Variants in ZBTB44 observed in about 807,000 individuals in gnomAD.
ZBTB44 encodes the protein zinc finger and BTB domain-containing protein 44.
In ZBTB44, 15 loss-of-function variants were observed where a neutral mutation model predicts 54.0. The observed-to-expected ratio is 0.28, with a 90% confidence interval of 0.19 to 0.43. The LOEUF is 0.43. ZBTB44 is among the 20% of genes least tolerant of loss of function. The pLI, the probability that ZBTB44 is intolerant of heterozygous loss-of-function variation, is 1.00. For synonymous variants in ZBTB44, 230 were observed against 250.1 expected (o/e 0.92, Z 0.76); for missense variants, 487 against 707.1 (o/e 0.69, Z 3.53).
intron 1 of ZBTB44, among the ~76,000 whole-genome samples, chr11:130,270,554 ATCT>A (rs764298204): frequency 3.3e-5 from 5 of 152,318 alleles, no homozygotes; most frequent in Non-Finnish European, 7.3e-5. Context: ...CAGACCTACA[ATCT>A]TCTTCAAAAA....
chr11:130,271,225 A>G (rs1346367770), intron 1 of ZBTB44, among the ~76,000 whole-genome samples: 1 of 152,212 alleles, frequency 6.6e-6, no homozygotes, highest in Non-Finnish European at 1.5e-5. Context: ...TTGAGTTTAC[A>G]GTCTTGAATT....
chr11:130,253,331 C>G (rs1035625294), intron 2 of ZBTB44, among the ~76,000 whole-genome samples: 2 of 152,172 alleles, frequency 1.3e-5, no homozygotes, highest in African/African-American at 4.8e-5. Context: ...ATCGTCTCAG[C>G]CCAAAATCTC....
At chr11:130,302,686 A>G (rs1942049080) in intron 1 of ZBTB44, among the ~76,000 whole-genome samples, 1 of 152,202 alleles carries the variant, frequency 6.6e-6, no homozygotes, top group African/African-American at 2.4e-5. Context: ...AAAAAAGTGA[A>G]ATGAGGGCCG....
intron 1 of ZBTB44, chr11:130,296,491 G>A (rs373787058): frequency 7.1e-6 from 7 of 984,932 alleles, no homozygotes; most frequent in East Asian, 2.4e-5. Flanking sequence ...CATTGTGTAC[G>A]GATGTGGTGG....
At chr11:130,284,637 G>A (rs11828713) in intron 1 of ZBTB44, among the ~76,000 whole-genome samples, 1 of 152,146 alleles carries the variant, frequency 6.6e-6, no homozygotes, top group Non-Finnish European at 1.5e-5. Context: ...GGGAGGCTGA[G>A]GCGGGTGGAT....
chr11:130,271,926 T>C (rs892643252), intron 1 of ZBTB44, among the ~76,000 whole-genome samples: 41 of 152,230 alleles, frequency 2.7e-4, no homozygotes, highest in African/African-American at 7.5e-4. Flanking sequence ...CACCTTTATA[T>C]TCCCATCAAG....
rs535182177 is a variant in ZBTB44 at position 130,259,038 on chromosome 11, C to T, written c.1018+1818G>A. The stretch of plus-strand genomic sequence containing the variant: ...TTACAAGGGATGTGAAAGACCTCTT[C>T]AAGAACTACAAACCACTGCTCAAGA... On this transcript the variant is annotated intron_variant, in intron 2 of 7. Coordinates refer to ENST00000357899, the MANE Select transcript of ZBTB44 (RefSeq NM_001301098.2). Among the ~76,000 whole-genome samples the T allele has an allele frequency of 1.3e-4, 20 of 152,228 alleles. No individual in the cohort carries two copies. The South Asian group carries it at 4.1e-3, about 32-fold the overall frequency.
chr11:130,262,435 G>A (rs1162281256), intron 1 of ZBTB44, among the ~76,000 whole-genome samples: 1 of 152,090 alleles, frequency 6.6e-6, no homozygotes, highest in Admixed American at 6.5e-5. Context: ...CACCATGCCC[G>A]GCCTGTGAAC....
At chr11:130,282,967 T>C (rs552875498) in intron 1 of ZBTB44, among the ~76,000 whole-genome samples, 21 of 151,852 alleles carry the variant, frequency 1.4e-4, no homozygotes, top group African/African-American at 4.6e-4. Context: ...TCCCCACCAC[T>C]GTGACTAGCT....
intron 1 of ZBTB44, chr11:130,296,008 G>A (rs1483934937): frequency 1.9e-6 from 3 of 1,565,558 alleles, no homozygotes; most frequent in Non-Finnish European, 2.6e-6. Flanking sequence ...GAATATCCCA[G>A]GGTTTATGTA....
intron 2 of ZBTB44, among the ~76,000 whole-genome samples, chr11:130,247,438 T>G (rs559265107): frequency 6.6e-6 from 1 of 152,350 alleles, no homozygotes; most frequent in South Asian, 2.1e-4. Context: ...CTGTCAGGTT[T>G]GTTTTGTTTT....
At chr11:130,311,559 A>T (rs1300068861) in intron 1 of ZBTB44, among the ~76,000 whole-genome samples, 1 of 152,186 alleles carries the variant, frequency 6.6e-6, no homozygotes, top group East Asian at 1.9e-4. Context: ...ACAAGAGACA[A>T]ATATAGAGTC....
chr11:130,262,162 C>T (rs1288229606), intron 1 of ZBTB44, among the ~76,000 whole-genome samples: 1 of 152,074 alleles, frequency 6.6e-6, no homozygotes, highest in Admixed American at 6.6e-5. Flanking sequence ...GTTTTTGAGA[C>T]AGAGTCTTGC....
intron 1 of ZBTB44, among the ~76,000 whole-genome samples, chr11:130,267,459 A>G (rs1487370471): frequency 2.0e-5 from 3 of 151,954 alleles, no homozygotes; most frequent in Non-Finnish European, 4.4e-5. Flanking sequence ...AGGCTGGAGT[A>G]CAGTGGCATG....
rs1953759086 is a variant in ZBTB44 at position 130,228,359 on chromosome 11, G to A, written c.*3405C>T. On this transcript the variant is annotated 3_prime_UTR_variant, in exon 8 of 8. Coordinates refer to ENST00000357899, the MANE Select transcript of ZBTB44 (RefSeq NM_001301098.2). ...CTGATGTCACTCATTTCAGGTACCT[G>A]AAAGATGAAAAGCAGTGCAACTTTC... 6.6e-6 allele frequency: 1 copy of A among 152,182 alleles called. No individual in the cohort carries two copies. Among genetic ancestry groups the A allele is most frequent in the Admixed American group, 6.5e-5 (1 of 15,280 alleles). 9.4% of individuals were successfully genotyped at this position (152,182 alleles called of 1,614,324 possible). A position where few individuals can be genotyped will look rare whatever the true frequency, so the allele number is the denominator to read the frequency against.
intron 1 of ZBTB44, among the ~76,000 whole-genome samples, chr11:130,313,895 G>T (rs1440115165): frequency 6.6e-6 from 1 of 150,452 alleles, no homozygotes; most frequent in Non-Finnish European, 1.5e-5. Flanking sequence ...CCTCAGGAAG[G>T]AAAGGAAAAG....
rs757416964 is a variant in ZBTB44, at chr11:130,261,771, T to C, written c.103A>G (p.Ile35Val). ...CGGAAGATTTTGTCCTGGACACGAA[T>C]AGTGATATCACAAAAATGTCCATCA... The part of the protein sequence containing the change: ...RNDGHFCDIT[I>V]RVQDKIFRAH... The change falls in exon 2 of 8, where the codon ATT becomes GTT. Residue 35 changes from isoleucine to valine, a missense_variant. By Grantham distance (29) the Ile-to-Val change is conservative (BLOSUM62 3). This residue lies in a region of ZBTB44 where 90 missense variants were observed against 160.3 expected (regional missense o/e 0.56). Coordinates refer to ENST00000357899, the MANE Select transcript of ZBTB44 (RefSeq NM_001301098.2). The surrounding 1 kb of genome is among the most constrained non-coding windows in gnomAD (Gnocchi z 4.8). 17 of 1,613,942 alleles carry C rather than the reference T, an allele frequency of 1.1e-5. No homozygotes were observed. The highest frequency in any genetic ancestry group is 3.3e-5 in the Admixed American group (2 of 60,012).
intron 4 of ZBTB44, 144 bp from the exon 5 acceptor site, chr11:130,237,237 ATC>A: frequency 4.5e-6 from 4 of 880,352 alleles, no homozygotes; most frequent in Non-Finnish European, 6.1e-6. Flanking sequence ...CTAATTGAGT[ATC>A]TCAGAAAATG....
At chr11:130,259,671 G>A (rs985870063) in intron 2 of ZBTB44, among the ~76,000 whole-genome samples, 25 of 152,132 alleles carry the variant, frequency 1.6e-4, no homozygotes, top group African/African-American at 6.0e-4. Flanking sequence ...GATGAAGCTG[G>A]AAACCATCAT....
Sources: gnomAD v4.1 joint callset for allele counts (sites outside exome capture counted in the v4.1 genomes callset) on GRCh38, gnomAD v4.1.1 for gene constraint, gnomAD v4.1.1 regional missense constraint, Gnocchi (gnomAD v3.1) non-coding constraint, MANE v1.5 for transcripts, NCBI Gene and HGNC (gene_info 2026-07-23, HGNC 2026-07-21) for gene names.